The following TRPM3 variants were observed in gnomAD, a reference collection of about 807,000 sequenced individuals.
The protein encoded by TRPM3 is transient receptor potential cation channel subfamily M member 3.
In TRPM3, 77 loss-of-function variants were observed where a neutral mutation model predicts 181.2. The observed-to-expected ratio is 0.42, with a 90% confidence interval of 0.35 to 0.51. The LOEUF (loss-of-function observed/expected upper bound fraction) is 0.51, where lower values mean the gene tolerates loss of function less well. Among genes scored for constraint, TRPM3 ranks in the 20% least tolerant of loss-of-function variants. TRPM3 has a pLI of 0.01. For synonymous variants in TRPM3, 745 were observed against 796.4 expected (o/e 0.94, Z 1.09); for missense variants, 1,759 against 2,196.7 (o/e 0.80, Z 3.98).
At chr9:70,917,389 A>G in intron 1 of TRPM3, 9 of 909,806 alleles carry the variant, frequency 9.9e-6, no homozygotes, top group Non-Finnish European at 1.7e-5. Flanking sequence ...CTCTCTTCCA[A>G]GAGCTCAGTG....
At chr9:70,914,462 A>G (rs2096570050) in intron 1 of TRPM3, among the ~76,000 whole-genome samples, 1 of 152,238 alleles carries the variant, frequency 6.6e-6, no homozygotes, top group South Asian at 2.1e-4. Context: ...TGGAGGTACA[A>G]TGAGAGATCA....
At chr9:71,295,666 C>T (rs1315603609) in intron 1 of TRPM3, among the ~76,000 whole-genome samples, 2 of 151,248 alleles carry the variant, frequency 1.3e-5, no homozygotes, top group Non-Finnish European at 2.9e-5. Context: ...TGTATTTGTA[C>T]AAATAAATAA....
At chr9:70,548,709 C>T (rs994806211) in intron 25 of TRPM3, among the ~76,000 whole-genome samples, 6 of 152,210 alleles carry the variant, frequency 3.9e-5, no homozygotes, top group Admixed American at 2.0e-4. Flanking sequence ...TTCCCAAATG[C>T]TAGGTTCTGA....
At chr9:70,620,818 T>A (rs1345168625) in intron 15 of TRPM3, among the ~76,000 whole-genome samples, 3 of 151,990 alleles carry the variant, frequency 2.0e-5, no homozygotes, top group Non-Finnish European at 4.4e-5. Context: ...TAGATGCATT[T>A]CTGAAGTAGT....
At chr9:71,117,815 C>T (rs1313606891) in intron 1 of TRPM3, among the ~76,000 whole-genome samples, 1 of 152,138 alleles carries the variant, frequency 6.6e-6, no homozygotes, top group Non-Finnish European at 1.5e-5. Flanking sequence ...AAATATCTTT[C>T]CAAAATCTGT....
At position 70,864,874 on chromosome 9, in the gene TRPM3, A is replaced by T. The variant is rs1435795755; in HGVS notation, c.178-363T>A. Among the ~76,000 whole-genome samples the T allele has an allele frequency of 2.0e-4, 30 of 152,070 alleles. 1 individual carries two copies. The highest frequency in any genetic ancestry group is 2.0e-3 in the Admixed American group (30 of 15,250). On this transcript the variant is annotated intron_variant, in intron 1 of 25. Coordinates refer to ENST00000677713, the MANE Select transcript of TRPM3 (RefSeq NM_001366145.2). Reference sequence around the variant, plus strand: ...GTTTGTAACCTTATAGAAAACAAGTATTCAGTAGTGGGAAGAAATGCATCT... The same window carrying T: ...GTTTGTAACCTTATAGAAAACAAGTTTTCAGTAGTGGGAAGAAATGCATCT...
Position 71,160,195 on chromosome 9 carries a change from A to C in TRPM3, c.183+286458T>G, listed in dbSNP as rs540631157. 6.2e-3 allele frequency among the ~76,000 whole-genome samples: 940 copies of C among 152,200 alleles called. 12 individuals carry two copies. Among genetic ancestry groups the C allele is most frequent in the African/African-American group, 0.021 (886 of 41,566 alleles). ...CCTAAAATATCTTAATGGTTCTGTCATCCCTTTCAAATCTTTGCTCAAATA... is the reference window on the plus strand; with the variant it reads ...CCTAAAATATCTTAATGGTTCTGTCCTCCCTTTCAAATCTTTGCTCAAATA... On this transcript the variant is annotated intron_variant, in intron 1 of 24. Transcript: ENST00000357533.
intron 1 of TRPM3, among the ~76,000 whole-genome samples, chr9:71,293,044 G>A (rs975064189): frequency 6.6e-6 from 1 of 151,840 alleles, no homozygotes; most frequent in African/African-American, 2.4e-5. Flanking sequence ...AGAAAGAAAA[G>A]TCTACATATT....
At chr9:70,646,199 T>C (rs1194153615) in intron 9 of TRPM3, among the ~76,000 whole-genome samples, 4 of 152,172 alleles carry the variant, frequency 2.6e-5, no homozygotes, top group Non-Finnish European at 5.9e-5. Flanking sequence ...AGAAATACCA[T>C]TTGACCCAGC....
At position 70,821,293 on chromosome 9, in the gene TRPM3, T is replaced by C. The variant is rs140682966; in HGVS notation, c.973+6554A>G. Among the ~76,000 whole-genome samples the C allele has an allele frequency of 3.6e-3, 549 of 152,326 alleles. 4 individuals are homozygous for C. The highest frequency in any genetic ancestry group is 0.012 in the African/African-American group (515 of 41,588). ...GCTGTCTGGATTTCCTTCAAAATTATTCAGAGGTGGAAGTAGGTGGGTATA... is the reference window on the plus strand; with the variant it reads ...GCTGTCTGGATTTCCTTCAAAATTACTCAGAGGTGGAAGTAGGTGGGTATA... On this transcript the variant is annotated intron_variant, in intron 6 of 25. Transcript: ENST00000677713.
chr9:71,274,169 C>A (rs186208783), intron 1 of TRPM3, among the ~76,000 whole-genome samples: 62 of 152,268 alleles, frequency 4.1e-4, no homozygotes, highest in Non-Finnish European at 7.3e-4. Flanking sequence ...CAAATGTATG[C>A]CAAACAGAGG....
chr9:71,442,903 G>A (rs2094153250), intron 1 of TRPM3, among the ~76,000 whole-genome samples: 1 of 152,096 alleles, frequency 6.6e-6, no homozygotes, highest in South Asian at 2.1e-4. Context: ...AATTCACAAA[G>A]AAATATGAAA....
chr9:71,286,797 T>C (rs2085309119), intron 1 of TRPM3, among the ~76,000 whole-genome samples: 2 of 151,654 alleles, frequency 1.3e-5, no homozygotes, highest in African/African-American at 4.8e-5. Context: ...ACTGGTCTTT[T>C]TCCTGTTTTT....
At chr9:70,647,149 T>G (rs1416012589) in intron 9 of TRPM3, among the ~76,000 whole-genome samples, 1 of 152,000 alleles carries the variant, frequency 6.6e-6, no homozygotes, top group Non-Finnish European at 1.5e-5. Context: ...CTGAAAATAT[T>G]CCAAAAATTG....
At chr9:70,547,669 A>G (rs1286452796) in intron 25 of TRPM3, among the ~76,000 whole-genome samples, 1 of 152,136 alleles carries the variant, frequency 6.6e-6, no homozygotes, top group African/African-American at 2.4e-5. Context: ...TCTTGAGGTC[A>G]TCTTGGTCTT....
intron 22 of TRPM3, among the ~76,000 whole-genome samples, chr9:70,564,605 G>C (rs1049898278): frequency 6.6e-6 from 1 of 152,162 alleles, no homozygotes; most frequent in African/African-American, 2.4e-5. Context: ...TTCAAGAGGG[G>C]CCTTCTTAGG....
chr9:70,680,571 C>T (rs2134226502), intron 9 of TRPM3, among the ~76,000 whole-genome samples: 1 of 152,278 alleles, frequency 6.6e-6, no homozygotes, highest in South Asian at 2.1e-4. Context: ...GAACCAGACA[C>T]ATTCTCTGCC....
At chr9:71,369,057 A>T (rs1041504301) in intron 1 of TRPM3, among the ~76,000 whole-genome samples, 1 of 152,174 alleles carries the variant, frequency 6.6e-6, no homozygotes, top group Admixed American at 6.5e-5. Context: ...ATATTGCAAA[A>T]GAATAACTGA....
chr9:70,801,146 G>A (rs1328153), intron 6 of TRPM3, among the ~76,000 whole-genome samples: 116,135 of 152,124 alleles, frequency 0.76, 44,737 homozygotes, highest in South Asian at 0.83. Flanking sequence ...AGAGTTATTT[G>A]ATCCTGAACA....
Sources: allele counts gnomAD v4.1 joint callset (sites outside exome capture counted in the v4.1 genomes callset), GRCh38; gene constraint gnomAD v4.1.1; transcripts MANE v1.5; gene names NCBI Gene and HGNC (gene_info 2026-07-23, HGNC 2026-07-21).